ROBO2: variants seen among roughly 807,000 people sequenced by gnomAD.
ROBO2 encodes the protein roundabout guidance receptor 2, also known as roundabout homolog 2.
Under a neutral mutation model 160.8 loss-of-function variants are expected in ROBO2, and 53 were observed. That is an observed-to-expected ratio of 0.33 (90% CI 0.26 to 0.41). The LOEUF is 0.41. Among genes scored for constraint, ROBO2 ranks in the 10% least tolerant of loss-of-function variants. The probability of loss-of-function intolerance (pLI) is 1.00; values close to 1 mark genes in which losing one functional copy is unlikely to be tolerated. For missense variants in ROBO2, 1,577 were observed against 1,722.4 expected (o/e 0.92, Z 1.49); for synonymous variants, 664 against 611.7 (o/e 1.09, Z -1.26).
intron 2 of ROBO2, among the ~76,000 whole-genome samples, chr3:77,167,217 C>T (rs1032364386): frequency 3.3e-5 from 5 of 151,654 alleles, no homozygotes; most frequent in Admixed American, 1.3e-4. Flanking sequence ...GCCATGTTAC[C>T]ATATTTGAAG....
chr3:77,605,439 A>G (rs747769206), intron 20 of ROBO2, among the ~76,000 whole-genome samples: 1 of 152,084 alleles, frequency 6.6e-6, no homozygotes, highest in African/African-American at 2.4e-5. Context: ...GCTCACTGCT[A>G]AAAGAAGTCA....
At chr3:77,039,265 A>ATTTCC (rs367833313), upstream of ROBO2, among the ~76,000 whole-genome samples, 2 of 152,074 alleles carry the variant, frequency 1.3e-5, no homozygotes, top group East Asian at 1.9e-4. Context: ...AGGTGCTTCT[A>ATTTCC]TTTCCTTTCC....
chr3:76,396,812 T>G (rs1337449258), intron 2 of ROBO2, among the ~76,000 whole-genome samples: 3 of 151,838 alleles, frequency 2.0e-5, no homozygotes, highest in East Asian at 1.9e-4. Context: ...CACTGCTCAA[T>G]GAAATAAAAG....
rs145295002 is a variant in ROBO2, at chr3:76,989,628, TTA to T, written c.110-108385_110-108384del. Among the ~76,000 whole-genome samples, 1,421 of 152,172 alleles carry T rather than the reference TTA, an allele frequency of 9.3e-3. 23 individuals are homozygous for T. The highest frequency in any genetic ancestry group is 0.031 in the African/African-American group (1,286 of 41,506). On this transcript the variant is annotated intron_variant, in intron 2 of 26. Coordinates refer to the ROBO2 transcript ENST00000487694. ...TTATGCTAGAGCAACAAAATTTAATTTAAATCATTATACTGTGTTTGGAGAAG... is the reference window on the plus strand; with the variant it reads ...TTATGCTAGAGCAACAAAATTTAATTAATCATTATACTGTGTTTGGAGAAG...
chr3:75,976,765 G>A (rs1372992826), intron 2 of ROBO2, among the ~76,000 whole-genome samples: 4 of 151,368 alleles, frequency 2.6e-5, no homozygotes, highest in Non-Finnish European at 5.9e-5. Flanking sequence ...TACGGAAGAG[G>A]AATTAGAAAC....
chr3:76,717,160 A>ATG (rs748472749), intron 2 of ROBO2, among the ~76,000 whole-genome samples: 59 of 152,260 alleles, frequency 3.9e-4, no homozygotes, highest in South Asian at 1.0e-3. Flanking sequence ...TTTTACAAAG[A>ATG]ATCTGTTCAT....
At chr3:77,316,923 A>G (rs1273830859) in intron 2 of ROBO2, 1 of 1,212,730 alleles carries the variant, frequency 8.2e-7, no homozygotes, top group African/African-American at 1.5e-5. Context: ...CATGAGGGTC[A>G]GTCTGATACT....
chr3:77,132,120 A>C (rs1033689847), intron 2 of ROBO2, among the ~76,000 whole-genome samples: 1 of 152,114 alleles, frequency 6.6e-6, no homozygotes, highest in African/African-American at 2.4e-5. Context: ...ATGAGAATTA[A>C]AAGAAGCTTA....
At chr3:76,178,100 T>G (rs1575764074) in intron 2 of ROBO2, among the ~76,000 whole-genome samples, 1 of 152,214 alleles carries the variant, frequency 6.6e-6, no homozygotes, top group East Asian at 1.9e-4. Context: ...ATTTGAAGCA[T>G]GATCTTTTAA....
At chr3:77,378,427 G>A (rs1560669456) in intron 2 of ROBO2, among the ~76,000 whole-genome samples, 2 of 152,260 alleles carry the variant, frequency 1.3e-5, no homozygotes, top group Middle Eastern at 3.4e-3. Context: ...CTAAGATATT[G>A]TAAAGCCAGA....
At chr3:77,287,557 C>A (rs559471310) in intron 2 of ROBO2, among the ~76,000 whole-genome samples, 1 of 152,048 alleles carries the variant, frequency 6.6e-6, no homozygotes, top group African/African-American at 2.4e-5. Context: ...ATCTTTAGAC[C>A]GTTAAAACTC....
rs936246337 is a variant in ROBO2 at position 77,231,576 on chromosome 3, C to T, written c.388+133236C>T. On this transcript the variant is annotated intron_variant, in intron 2 of 25. Coordinates refer to ENST00000461745, the Ensembl canonical transcript of ROBO2. Reference sequence around the variant, plus strand: ...ACTTTACTAAGAAAATAGAGGTGGCCACGCTGGAATCTTTTTTCACCTGTA... The same window carrying T: ...ACTTTACTAAGAAAATAGAGGTGGCTACGCTGGAATCTTTTTTCACCTGTA... 2.6e-5 allele frequency among the ~76,000 whole-genome samples: 4 copies of T among 151,884 alleles called. No individual in the cohort carries two copies. In the South Asian group the frequency reaches 8.3e-4, roughly 32 times the overall value.
intron 2 of ROBO2, among the ~76,000 whole-genome samples, chr3:77,103,104 A>AG (rs1199427624): frequency 7.2e-5 from 11 of 152,158 alleles, no homozygotes; most frequent in African/African-American, 2.7e-4. Flanking sequence ...GAAGGAGCAC[A>AG]GGGGGTCCTC....
intron 2 of ROBO2, among the ~76,000 whole-genome samples, chr3:77,327,252 A>G (rs530921462): frequency 4.6e-5 from 7 of 152,262 alleles, no homozygotes; most frequent in Non-Finnish European, 8.8e-5. Flanking sequence ...ACTTCTAACC[A>G]ATGTTCTGGA....
chr3:76,336,739 TAATC>T (rs2073914142), intron 2 of ROBO2, among the ~76,000 whole-genome samples: 1 of 152,116 alleles, frequency 6.6e-6, no homozygotes, highest in African/African-American at 2.4e-5. Flanking sequence ...TATTTTAAAA[TAATC>T]ATCATATAAA....
At chr3:76,923,147 A>T (rs1021760777) in intron 2 of ROBO2, among the ~76,000 whole-genome samples, 17 of 152,180 alleles carry the variant, frequency 1.1e-4, no homozygotes, top group Non-Finnish European at 1.9e-4. Flanking sequence ...TTATATCTTC[A>T]TCCAGGTATA....
chr3:76,377,033 A>G (rs1308326806), intron 2 of ROBO2, among the ~76,000 whole-genome samples: 9 of 152,132 alleles, frequency 5.9e-5, no homozygotes, highest in Admixed American at 5.9e-4. Context: ...CTACAAGGTA[A>G]CTTGGCATTC....
chr3:76,908,957 G>A (rs917312702), intron 2 of ROBO2, among the ~76,000 whole-genome samples: 1 of 152,220 alleles, frequency 6.6e-6, no homozygotes, highest in African/African-American at 2.4e-5. Flanking sequence ...TTTAGGTGCA[G>A]TGGTTCATGC....
At chr3:76,690,483 C>A (rs1014249530) in intron 2 of ROBO2, among the ~76,000 whole-genome samples, 2 of 152,018 alleles carry the variant, frequency 1.3e-5, no homozygotes, top group South Asian at 4.2e-4. Context: ...AATCAGAGAT[C>A]AGCCTTCACC....
Sources: allele counts gnomAD v4.1 joint callset (sites outside exome capture counted in the v4.1 genomes callset), GRCh38; gene constraint gnomAD v4.1.1; transcripts MANE v1.5; gene names NCBI Gene and HGNC (gene_info 2026-07-23, HGNC 2026-07-21).